The following DLGAP2 variants were observed in gnomAD, a reference collection of about 807,000 sequenced individuals.
The protein encoded by DLGAP2 is DLG associated protein 2, also known as disks large-associated protein 2.
Under a neutral mutation model 100.3 loss-of-function variants are expected in DLGAP2, and 26 were observed. The ratio of observed to expected loss-of-function variants is 0.26; its 90% confidence interval spans 0.19 to 0.36. The LOEUF (loss-of-function observed/expected upper bound fraction) is 0.36, where lower values mean the gene tolerates loss of function less well. DLGAP2 is among the 10% of genes least tolerant of loss of function. The pLI is 1.00. For missense variants in DLGAP2, 1,858 were observed against 1,453.2 expected, an observed-to-expected ratio of 1.28 and a Z score of -4.53; for synonymous variants, 886 against 630.1, an observed-to-expected ratio of 1.41 and a Z score of -6.08.
At chr8:1,297,215 T>A (rs2116983008) in intron 3 of DLGAP2, 1 of 152,242 alleles carries the variant, frequency 6.6e-6, no homozygotes, top group East Asian at 1.9e-4. Context: ...AGGTAGTGAG[T>A]TATCCCCAGT....
At chr8:1,571,974 G>T (rs1376112389) in intron 6 of DLGAP2, among the ~76,000 whole-genome samples, 3 of 131,224 alleles carry the variant, frequency 2.3e-5, no homozygotes, top group South Asian at 2.8e-4. Context: ...GGGGGCGTCT[G>T]ATGAGATGGA....
At chr8:1,420,766 A>T (rs77102936) in intron 3 of DLGAP2, among the ~76,000 whole-genome samples, 2 of 152,094 alleles carry the variant, frequency 1.3e-5, no homozygotes, top group Admixed American at 1.3e-4. Context: ...TAATCTTGTT[A>T]ACTTGGCCCT....
chr8:1,482,071 C>T (rs1799114942), intron 3 of DLGAP2, among the ~76,000 whole-genome samples: 1 of 152,230 alleles, frequency 6.6e-6, no homozygotes, highest in Admixed American at 6.5e-5. Context: ...AATCACCATG[C>T]TCACAAGAAA....
At chr8:1,474,566 A>G (rs531871067) in intron 3 of DLGAP2, among the ~76,000 whole-genome samples, 4 of 152,198 alleles carry the variant, frequency 2.6e-5, no homozygotes, top group Non-Finnish European at 5.9e-5. Context: ...ATTATGACCA[A>G]TGAGTAGGCA....
chr8:1,060,509 T>C (rs1803048708), intron 2 of DLGAP2, among the ~76,000 whole-genome samples: 1 of 151,754 alleles, frequency 6.6e-6, no homozygotes, highest in Admixed American at 6.5e-5. Flanking sequence ...TCTGTGGGTC[T>C]CTGTGTCCTG....
At chr8:1,603,921 C>T (rs1376248501) in intron 6 of DLGAP2, among the ~76,000 whole-genome samples, 1 of 152,086 alleles carries the variant, frequency 6.6e-6, no homozygotes, top group Admixed American at 6.6e-5. Flanking sequence ...AAGTTGCCTC[C>T]GTATGAGGAG....
At chr8:998,432 C>G (rs1009591092) in intron 2 of DLGAP2, among the ~76,000 whole-genome samples, 1 of 151,918 alleles carries the variant, frequency 6.6e-6, no homozygotes, top group African/African-American at 2.4e-5. Context: ...TCCTTCATGG[C>G]TGGGACTACA....
At chr8:1,424,636 G>A (rs1438271704) in intron 3 of DLGAP2, among the ~76,000 whole-genome samples, 2 of 152,122 alleles carry the variant, frequency 1.3e-5, no homozygotes, top group Non-Finnish European at 2.9e-5. Context: ...ACAGACAGAA[G>A]GCCGGATAGG....
chr8:1,258,567 C>G (rs1457221866), intron 2 of DLGAP2, among the ~76,000 whole-genome samples: 4 of 152,078 alleles, frequency 2.6e-5, no homozygotes. Context: ...GCTGCACGTT[C>G]TGCACATGTA....
At chr8:1,135,880 G>T (rs77935963) in intron 2 of DLGAP2, among the ~76,000 whole-genome samples, 2,208 of 152,248 alleles carry the variant, frequency 0.015, 57 homozygotes, top group African/African-American at 0.05. Context: ...TCGCAGGGAA[G>T]GTTGCCCGTC....
At chr8:1,477,816 CT>C (rs1234090760) in intron 3 of DLGAP2, among the ~76,000 whole-genome samples, 1 of 151,430 alleles carries the variant, frequency 6.6e-6, no homozygotes, top group Non-Finnish European at 1.5e-5. Context: ...AAAAAGGTGC[CT>C]AATGAAATGA....
intron 3 of DLGAP2, among the ~76,000 whole-genome samples, chr8:1,481,442 T>C (rs531214540): frequency 2.8e-4 from 42 of 151,510 alleles, no homozygotes; most frequent in African/African-American, 1.0e-3. Flanking sequence ...GATGATACTT[T>C]ATTGGATTTT....
At chr8:1,230,470 A>G (rs560391946) in intron 2 of DLGAP2, among the ~76,000 whole-genome samples, 1 of 152,252 alleles carries the variant, frequency 6.6e-6, no homozygotes, top group Non-Finnish European at 1.5e-5. Flanking sequence ...TATTCCTATC[A>G]AACTACCAAA....
chr8:891,731 C>T (rs376856250), intron 1 of DLGAP2: 12 of 152,320 alleles, frequency 7.9e-5, no homozygotes, highest in African/African-American at 2.9e-4. Flanking sequence ...AAAGAGAATT[C>T]TAAAAGACAC....
chr8:1,227,338 A>AT (rs1296647927), intron 2 of DLGAP2, among the ~76,000 whole-genome samples: 55 of 142,746 alleles, frequency 3.9e-4, no homozygotes, highest in East Asian at 3.5e-3. Context: ...GTCTGTTTTT[A>AT]TTTTTTTTTT....
intron 6 of DLGAP2, among the ~76,000 whole-genome samples, chr8:1,624,201 GTTGTA>G (rs1278664214): frequency 6.6e-6 from 1 of 152,192 alleles, no homozygotes; most frequent in Non-Finnish European, 1.5e-5. Flanking sequence ...AGGAACGGCT[GTTGTA>G]TTGGAAGAAA....
chr8:1,159,440 T>C (rs1344398568), intron 2 of DLGAP2, among the ~76,000 whole-genome samples: 1 of 152,202 alleles, frequency 6.6e-6, no homozygotes, highest in Non-Finnish European at 1.5e-5. Context: ...AGATGTATCG[T>C]ATGTCGACAA....
rs140696410 is a variant in DLGAP2, at chr8:1,110,764, T to C, written c.74-148087T>C. Among the ~76,000 whole-genome samples the C allele has an allele frequency of 5.2e-3, 771 of 147,944 alleles. 8 individuals are homozygous for C. The highest frequency in any genetic ancestry group is 0.042 in the South Asian group (195 of 4,650). ...CATTGAGTGTCCCGCAGCCCTGCAG[T>C]GGCACTGTTTTTACAGACCCTCTCT... On this transcript the variant is annotated intron_variant, in intron 2 of 14. Coordinates refer to ENST00000637795, the MANE Select transcript of DLGAP2 (RefSeq NM_001346810.2).
intron 5 of DLGAP2, among the ~76,000 whole-genome samples, chr8:1,557,711 C>A (rs1257190470): frequency 2.6e-5 from 4 of 152,186 alleles, no homozygotes; most frequent in African/African-American, 9.7e-5. Flanking sequence ...TCCTGCTGAG[C>A]CTCTCCTGGG....
Sources: allele counts gnomAD v4.1 joint callset (sites outside exome capture counted in the v4.1 genomes callset), GRCh38; gene constraint gnomAD v4.1.1; transcripts MANE v1.5; gene names NCBI Gene and HGNC (gene_info 2026-07-23, HGNC 2026-07-21).